GRIN2A: variants seen among roughly 807,000 people sequenced by gnomAD.
The protein encoded by GRIN2A is glutamate ionotropic receptor NMDA type subunit 2A.
GRIN2A carries 22 observed loss-of-function variants against 113.4 expected under a neutral mutation model. The ratio of observed to expected loss-of-function variants is 0.19; its 90% CI spans 0.14 to 0.28. The LOEUF (loss-of-function observed/expected upper bound fraction) is 0.28. Ranked by LOEUF, GRIN2A falls within the 10% of genes least tolerant of loss-of-function variation. The pLI, the probability that GRIN2A is intolerant of heterozygous loss-of-function variation, is 1.00. For missense variants in GRIN2A, 1,502 were observed against 1,887.0 expected, an observed-to-expected ratio of 0.80 and a Z score of 3.78; for synonymous variants, 827 against 738.4, an observed-to-expected ratio of 1.12 and a Z score of -1.94.
chr16:9,792,166 T>C (rs985736876), intron 11 of GRIN2A, among the ~76,000 whole-genome samples: 2 of 151,934 alleles, frequency 1.3e-5, no homozygotes, highest in African/African-American at 2.4e-5. Context: ...CTGGGGTCAC[T>C]CACTAGTTTT....
Position 9,761,134 on chromosome 16 carries a change from T to G in GRIN2A, c.*2015A>C, listed in dbSNP as rs1249299628. 1 of 232,636 alleles carries G rather than the reference T, an allele frequency of 4.3e-6. No individual in the cohort carries two copies. Among genetic ancestry groups the G allele is most frequent in the Non-Finnish European group, 8.5e-6 (1 of 117,696 alleles). 14.4% of individuals were successfully genotyped at this position (232,636 alleles called of 1,614,324 possible). A position where few individuals can be genotyped will look rare whatever the true frequency, so the allele number is the denominator to read the frequency against. On this transcript the variant is annotated 3_prime_UTR_variant, in exon 13 of 13. Transcript: ENST00000330684. ...ACTGCCTCCCTCTGTCTCCCTATGA[T>G]TGACCCTGAAATTTATTGCAACCAC...
chr16:9,876,727 G>C (rs943963551), intron 4 of GRIN2A, among the ~76,000 whole-genome samples: 1 of 152,114 alleles, frequency 6.6e-6, no homozygotes, highest in Non-Finnish European at 1.5e-5. Flanking sequence ...TGGGTAAGTG[G>C]GTGGGTTCAA....
At chr16:10,076,598 C>T (rs145043711) in intron 2 of GRIN2A, among the ~76,000 whole-genome samples, 1 of 152,138 alleles carries the variant, frequency 6.6e-6, no homozygotes, top group Non-Finnish European at 1.5e-5. Flanking sequence ...CACAGACAAT[C>T]CAGAGCACTC....
chr16:9,828,981 G>A (rs1300125317), intron 9 of GRIN2A, among the ~76,000 whole-genome samples: 1 of 152,136 alleles, frequency 6.6e-6, no homozygotes, highest in Non-Finnish European at 1.5e-5. Context: ...CTCTGGGTAG[G>A]GCTTAAAGAT....
chr16:10,158,155 C>T (rs1423951589), intron 2 of GRIN2A, among the ~76,000 whole-genome samples: 3 of 152,132 alleles, frequency 2.0e-5, no homozygotes, highest in African/African-American at 4.8e-5. Context: ...CAGGCATGTG[C>T]CAACACACCC....
At chr16:10,027,133 T>C (rs1392568255) in intron 2 of GRIN2A, among the ~76,000 whole-genome samples, 2 of 152,230 alleles carry the variant, frequency 1.3e-5, no homozygotes, top group Admixed American at 6.5e-5. Context: ...ATCTCCAGCA[T>C]GCACAGCCCA....
At position 9,832,818 on chromosome 16, in the gene GRIN2A, T is replaced by A. The variant is rs16966453; in HGVS notation, c.1777+1287A>T. 1.0e-2 allele frequency among the ~76,000 whole-genome samples: 1,519 copies of A among 152,318 alleles called. 19 individuals carry two copies. Among genetic ancestry groups the A allele is most frequent in the African/African-American group, 0.034 (1,419 of 41,556 alleles). Reference sequence around the variant, plus strand: ...TCCCATTAAACACAACATCATTATTTATGGCATTGTTTAGTATCTGGTTGA... The same window carrying A: ...TCCCATTAAACACAACATCATTATTAATGGCATTGTTTAGTATCTGGTTGA... On this transcript the variant is annotated intron_variant, in intron 8 of 12. Coordinates refer to ENST00000330684, the MANE Select transcript of GRIN2A (RefSeq NM_001134407.3).
At chr16:9,778,737 AG>A (rs1901760108) in intron 11 of GRIN2A, among the ~76,000 whole-genome samples, 1 of 152,170 alleles carries the variant, frequency 6.6e-6, no homozygotes, top group African/African-American at 2.4e-5. Context: ...ATCCATGACC[AG>A]GGGATCTCTC....
At chr16:9,913,068 T>C (rs1483457849) in intron 3 of GRIN2A, among the ~76,000 whole-genome samples, 1 of 152,260 alleles carries the variant, frequency 6.6e-6, no homozygotes, top group African/African-American at 2.4e-5. Flanking sequence ...TCCACTTCTT[T>C]GGAGGGTCCC....
chr16:9,989,684 A>G (rs931652248), intron 2 of GRIN2A, among the ~76,000 whole-genome samples: 1 of 152,190 alleles, frequency 6.6e-6, no homozygotes, highest in Non-Finnish European at 1.5e-5. Flanking sequence ...AACTTAAATC[A>G]AGAAAAAAAA....
intron 2 of GRIN2A, among the ~76,000 whole-genome samples, chr16:10,098,183 TGGC>T (rs2048329622): frequency 6.6e-6 from 1 of 152,076 alleles, no homozygotes; most frequent in Non-Finnish European, 1.5e-5. Flanking sequence ...GACGTACAAA[TGGC>T]CAACAAACAT....
chr16:10,119,362 T>C (rs1183486037), intron 2 of GRIN2A, among the ~76,000 whole-genome samples: 1 of 152,226 alleles, frequency 6.6e-6, no homozygotes, highest in African/African-American at 2.4e-5. Flanking sequence ...AAGAGGAAGG[T>C]ATTTTCCAGC....
At chr16:10,119,918 TC>T (rs1172604450) in intron 2 of GRIN2A, among the ~76,000 whole-genome samples, 3 of 152,210 alleles carry the variant, frequency 2.0e-5, no homozygotes, top group Non-Finnish European at 4.4e-5. Flanking sequence ...ATGAGTTCAT[TC>T]TTTTTATGGC....
At chr16:9,887,768 C>G (rs1341547671) in intron 4 of GRIN2A, among the ~76,000 whole-genome samples, 2 of 152,168 alleles carry the variant, frequency 1.3e-5, no homozygotes, top group Non-Finnish European at 2.9e-5. Flanking sequence ...AAAACACACA[C>G]ACAGTTTTTG....
intron 2 of GRIN2A, among the ~76,000 whole-genome samples, chr16:10,052,347 T>G (rs960058448): frequency 6.6e-6 from 1 of 152,344 alleles, no homozygotes; most frequent in Admixed American, 6.5e-5. Context: ...CTGAGCCCCG[T>G]GGGCCAGTTT....
intron 10 of GRIN2A, among the ~76,000 whole-genome samples, chr16:9,805,834 A>G (rs946421988): frequency 2.0e-5 from 3 of 152,198 alleles, no homozygotes; most frequent in African/African-American, 7.2e-5. Flanking sequence ...AAGGGCATTC[A>G]TGATCCCCAG....
At chr16:9,915,174 G>A (rs1235643321) in intron 3 of GRIN2A, among the ~76,000 whole-genome samples, 1 of 151,526 alleles carries the variant, frequency 6.6e-6, no homozygotes, top group Non-Finnish European at 1.5e-5. Context: ...CTGACCTCAT[G>A]ATCCGCCCGC....
intron 11 of GRIN2A, among the ~76,000 whole-genome samples, chr16:9,791,691 A>C (rs1902614894): frequency 1.3e-5 from 2 of 152,142 alleles, no homozygotes; most frequent in Non-Finnish European, 2.9e-5. Flanking sequence ...AATTCTAATT[A>C]GATACAAGGA....
At chr16:10,129,507 T>C (rs1596536215) in intron 2 of GRIN2A, among the ~76,000 whole-genome samples, 1 of 152,118 alleles carries the variant, frequency 6.6e-6, no homozygotes, top group East Asian at 1.9e-4. Flanking sequence ...CCTGTCACAG[T>C]CAGCAATGTT....
Sources: allele counts gnomAD v4.1 joint callset (sites outside exome capture counted in the v4.1 genomes callset), GRCh38; gene constraint gnomAD v4.1.1; transcripts MANE v1.5; gene names NCBI Gene and HGNC (gene_info 2026-07-23, HGNC 2026-07-21).